ZFYVE28: variants seen among roughly 807,000 people sequenced by gnomAD.
ZFYVE28 encodes the protein lateral signaling target protein 2 homolog.
ZFYVE28 carries 40 observed loss-of-function variants against 82.1 expected under a neutral mutation model. That is an observed-to-expected ratio of 0.49 (90% CI 0.38 to 0.63). The LOEUF (loss-of-function observed/expected upper bound fraction) is 0.63, where lower values mean the gene tolerates loss of function less well. Ranked by LOEUF, ZFYVE28 falls within the 30% of genes least tolerant of loss-of-function variation. The pLI is 0.00. For synonymous variants in ZFYVE28, 612 were observed against 546.1 expected, an observed-to-expected ratio of 1.12 and a Z score of -1.68; for missense variants, 1,321 against 1,242.1, an observed-to-expected ratio of 1.06 and a Z score of -0.96.
At position 2,314,698 on chromosome 4, in the gene ZFYVE28, A is replaced by G. The variant is rs140878532; in HGVS notation, c.803+5472T>C. Among the ~76,000 whole-genome samples, 74 of 152,314 alleles carry G rather than the reference A, an allele frequency of 4.9e-4. 1 individual carries two copies. Among genetic ancestry groups the G allele is most frequent in the Middle Eastern group, 3.4e-3 (1 of 294 alleles). On this transcript the variant is annotated intron_variant, in intron 7 of 12. Transcript: ENST00000290974. ...TATATCATGAATTTTAGTACTATGT[A>G]CAATTTAAACTCCACAGACACTATA...
intron 2 of ZFYVE28, among the ~76,000 whole-genome samples, chr4:2,353,404 C>T (rs889874076): frequency 1.1e-4 from 16 of 152,226 alleles, no homozygotes; most frequent in African/African-American, 3.6e-4. Context: ...TTGTGAAAAC[C>T]CCTCGTCATC....
chr4:2,413,867 C>T (rs561371088), intron 1 of ZFYVE28, among the ~76,000 whole-genome samples: 2 of 152,346 alleles, frequency 1.3e-5, no homozygotes, highest in East Asian at 3.9e-4. Context: ...TCGTGCCAGG[C>T]CCCAGTGTCC....
chr4:2,350,894 T>C (rs1255919441), intron 2 of ZFYVE28, among the ~76,000 whole-genome samples: 2 of 152,244 alleles, frequency 1.3e-5, no homozygotes, highest in African/African-American at 2.4e-5. Flanking sequence ...CTTGGGACCC[T>C]TCCCGACCTT....
At chr4:2,304,143 C>T in intron 8 of ZFYVE28, 146 bp downstream of exon 8, 3 of 1,067,706 alleles carry the variant, frequency 2.8e-6, no homozygotes, top group East Asian at 2.5e-5. Flanking sequence ...TCCTCACACA[C>T]AGACCCCACA....
intron 7 of ZFYVE28, among the ~76,000 whole-genome samples, chr4:2,315,603 A>G (rs773260751): frequency 8.5e-5 from 13 of 152,222 alleles, no homozygotes; most frequent in Non-Finnish European, 1.8e-4. Flanking sequence ...ACGTTATTTC[A>G]CTGCTTGTCA....
chr4:2,308,962 G>A lies in ZFYVE28; in HGVS notation c.804-3426C>T, dbSNP rs1444872262. Reference sequence around the variant, plus strand: ...ACTTTCAATGGAGGTCTTGGACATCGTTAATTTGATTTATGCTTACGTATT... The same window carrying A: ...ACTTTCAATGGAGGTCTTGGACATCATTAATTTGATTTATGCTTACGTATT... On this transcript the variant is annotated intron_variant, in intron 7 of 12. Coordinates refer to ENST00000290974, the MANE Select transcript of ZFYVE28 (RefSeq NM_020972.3). 5.3e-5 allele frequency among the ~76,000 whole-genome samples: 8 copies of A among 152,284 alleles called. No homozygotes were observed. The East Asian group carries it at 1.2e-3, about 22-fold the overall frequency.
Position 2,271,770 on chromosome 4 carries a change from G to T in ZFYVE28, c.2333C>A (p.Thr778Asn). 1 of 1,613,532 alleles carries T rather than the reference G, an allele frequency of 6.2e-7. No homozygotes were observed. Among genetic ancestry groups the T allele is most frequent in the African/African-American group, 1.3e-5 (1 of 75,070 alleles). Residue 778 changes from threonine to asparagine, a missense_variant, in exon 11 of 13, where the codon ACT (threonine) becomes AAT (asparagine). Physicochemically the swap from Thr to Asn is moderately conservative, Grantham distance 65 (BLOSUM62 0). Around this residue, in one of 2 missense-constraint regions of ZFYVE28, gnomAD observed 978 missense variants for 833.7 expected, o/e 1.17. Coordinates refer to ENST00000290974, the MANE Select transcript of ZFYVE28 (RefSeq NM_020972.3). ...GTCCTCCAAGGCCGCACTCCGCAGA[G>T]TCTGGGTGACTAGTGGAGAAGGGGG... is the stretch of plus-strand genomic sequence containing the variant. ...DKEKLRKVTQ[T>N]LRSAALEDCA... is the part of the protein sequence containing the mutation.
chr4:2,334,529 G>C (rs1721266982), intron 6 of ZFYVE28, among the ~76,000 whole-genome samples: 1 of 151,866 alleles, frequency 6.6e-6, no homozygotes, highest in Non-Finnish European at 1.5e-5. Context: ...ACTGCCACGT[G>C]TGCCTGTGCC....
chr4:2,407,523 C>T (rs990635208), intron 1 of ZFYVE28, among the ~76,000 whole-genome samples: 7 of 151,934 alleles, frequency 4.6e-5, no homozygotes, highest in South Asian at 2.1e-4. Flanking sequence ...GATTCTCAGC[C>T]GTGAGCAGAA....
intron 2 of ZFYVE28, chr4:2,343,441 A>C (rs1003465495): frequency 1.3e-5 from 2 of 152,230 alleles, no homozygotes; most frequent in African/African-American, 2.4e-5. Flanking sequence ...TAAACTCTGA[A>C]GGAAATTCTG....
chr4:2,345,208 G>GA (rs907749617), intron 2 of ZFYVE28, among the ~76,000 whole-genome samples: 3 of 150,254 alleles, frequency 2.0e-5, no homozygotes, highest in Non-Finnish European at 4.4e-5. Context: ...TCAAAAAAAA[G>GA]AAAAAAAAAT....
rs1057142915 is a variant in ZFYVE28, at chr4:2,335,472, A to G, written c.701+233T>C. Among the ~76,000 whole-genome samples, 4 of 151,862 alleles carry G rather than the reference A, an allele frequency of 2.6e-5. No homozygotes were observed. The highest frequency in any genetic ancestry group is 9.7e-5 in the African/African-American group (4 of 41,312). On this transcript the variant is annotated intron_variant, in intron 6 of 12. Transcript: ENST00000290974. This position sits in a 1 kb window ranked among gnomAD's most constrained non-coding sequence, Gnocchi z 5.8. ...GGCAGGTGTTAGGCCACCTTGCCCT[A>G]TCTAGGGTGACAGAGCCTCCCTCAC...
chr4:2,339,839 A>G lies in ZFYVE28; in HGVS notation c.319-184T>C, dbSNP rs889703248. On this transcript the variant is annotated intron_variant, in intron 3 of 12. Transcript: ENST00000290974. The surrounding 1 kb of genome is among the most constrained non-coding windows in gnomAD (Gnocchi z 5.0). ...ATTCAGAGCAATCGTGAGGGCGATA[A>G]CCGATGTCCCCCAATGTGACCCACG... is the stretch of plus-strand genomic sequence containing the variant. 6.5e-4 allele frequency among the ~76,000 whole-genome samples: 98 copies of G among 150,958 alleles called. No individual in the cohort carries two copies. Among genetic ancestry groups the G allele is most frequent in the African/African-American group, 2.3e-3 (96 of 41,172 alleles).
intron 8 of ZFYVE28, among the ~76,000 whole-genome samples, chr4:2,293,643 C>T (rs1391019388): frequency 6.6e-6 from 1 of 151,236 alleles, no homozygotes. Flanking sequence ...GTCCCAGCTA[C>T]TCGGGAGGCT....
chr4:2,330,660 C>T, intron 6 of ZFYVE28: 2 of 1,418,028 alleles, frequency 1.4e-6, no homozygotes, highest in Non-Finnish European at 1.8e-6. Context: ...GAGGGGCCAG[C>T]ACCATGGAGA....
chr4:2,285,922 G>C (rs756045188), intron 8 of ZFYVE28: 1 of 152,396 alleles, frequency 6.6e-6, no homozygotes, highest in Admixed American at 6.5e-5. Flanking sequence ...TGTGTCACCC[G>C]GTCTTGGCGC....
Position 2,341,733 on chromosome 4 carries a change from G to C in ZFYVE28, c.181-118C>G, listed in dbSNP as rs145323447. On this transcript the variant is annotated intron_variant, in intron 2 of 12. Transcript: ENST00000290974. The surrounding 1 kb of genome is among the most constrained non-coding windows in gnomAD (Gnocchi z 4.5). ...GTTTTTTAGGATTATTAAAGTGATA[G>C]AGGAGGCTAGGCACGGTGGCTCATG... 185 of 1,435,180 alleles carry C rather than the reference G, an allele frequency of 1.3e-4. 1 individual carries two copies. The highest frequency in any genetic ancestry group is 1.7e-4 in the Non-Finnish European group (178 of 1,055,896). 88.9% of individuals were successfully genotyped at this position (1,435,180 alleles called of 1,614,324 possible). A position where few individuals can be genotyped will look rare whatever the true frequency, so the allele number is the denominator to read the frequency against.
chr4:2,406,951 G>A (rs1731986281), intron 1 of ZFYVE28, among the ~76,000 whole-genome samples: 1 of 151,976 alleles, frequency 6.6e-6, no homozygotes, highest in African/African-American at 2.4e-5. Flanking sequence ...TTAGCTCATG[G>A]TCTCAAATCC....
intron 1 of ZFYVE28, among the ~76,000 whole-genome samples, chr4:2,363,158 G>A (rs567873354): frequency 1.2e-4 from 19 of 152,062 alleles, no homozygotes; most frequent in Non-Finnish European, 1.8e-4. Context: ...TCATATGACC[G>A]TTGACCGGTC....
Sources: allele counts gnomAD v4.1 joint callset (sites outside exome capture counted in the v4.1 genomes callset), GRCh38; gene constraint gnomAD v4.1.1; regional missense constraint gnomAD v4.1.1; non-coding constraint Gnocchi (gnomAD v3.1); transcripts MANE v1.5; gene names NCBI Gene and HGNC (gene_info 2026-07-23, HGNC 2026-07-21).